The following DLG2 variants were observed in gnomAD, a reference collection of about 807,000 sequenced individuals.
The protein encoded by DLG2 is disks large homolog 2.
DLG2 carries 45 observed loss-of-function variants against 132.5 expected under a neutral mutation model. The observed-to-expected ratio is 0.34, with a 90% CI of 0.27 to 0.44. The LOEUF (loss-of-function observed/expected upper bound fraction) is 0.44, where lower values mean the gene tolerates loss of function less well. Among genes scored for constraint, DLG2 ranks in the 20% least tolerant of loss-of-function variants. The pLI is 1.00. For synonymous variants in DLG2, 424 were observed against 419.6 expected, an observed-to-expected ratio of 1.01 and a Z score of -0.13; for missense variants, 1,045 against 1,196.9, an observed-to-expected ratio of 0.87 and a Z score of 1.87.
At position 83,604,905 on chromosome 11, in the gene DLG2, T is replaced by C. The variant is rs534866288; in HGVS notation, c.1940+28306A>G. Among the ~76,000 whole-genome samples, 323 of 152,274 alleles carry C rather than the reference T, an allele frequency of 2.1e-3. 2 individuals are homozygous for C. Among genetic ancestry groups the C allele is most frequent in the Middle Eastern group, 6.8e-3 (2 of 294 alleles). On this transcript the variant is annotated intron_variant, in intron 19 of 27. Coordinates refer to ENST00000376104, the MANE Select transcript of DLG2 (RefSeq NM_001142699.3). Reference sequence around the variant, plus strand: ...ATTTATGGGAGGCTATTGTTTGGACTAAGCTCCTGCACTAGGCCCAACAGG... The same window carrying C: ...ATTTATGGGAGGCTATTGTTTGGACCAAGCTCCTGCACTAGGCCCAACAGG...
chr11:85,241,414 T>A (rs959602569), intron 4 of DLG2, among the ~76,000 whole-genome samples: 1 of 151,930 alleles, frequency 6.6e-6, no homozygotes, highest in African/African-American at 2.4e-5. Context: ...GGCTAGGGCT[T>A]CCCATATATT....
At chr11:83,593,867 C>T (rs913264481) in intron 19 of DLG2, among the ~76,000 whole-genome samples, 1 of 151,292 alleles carries the variant, frequency 6.6e-6, no homozygotes, top group African/African-American at 2.4e-5. Flanking sequence ...ATAGTGCTGT[C>T]ATTTGACAGA....
intron 6 of DLG2, among the ~76,000 whole-genome samples, chr11:84,660,680 C>G (rs1306328548): frequency 6.6e-6 from 1 of 152,128 alleles, no homozygotes; most frequent in Admixed American, 6.6e-5. Context: ...CCCACACCAG[C>G]CTTTGATTTA....
At chr11:84,646,403 G>A (rs1326548871) in intron 6 of DLG2, among the ~76,000 whole-genome samples, 4 of 152,180 alleles carry the variant, frequency 2.6e-5, no homozygotes, top group African/African-American at 9.7e-5. Context: ...TTAAGAAAAT[G>A]TATGAGGGTA....
chr11:83,976,341 A>G (rs563897865), intron 12 of DLG2, among the ~76,000 whole-genome samples: 1 of 152,044 alleles, frequency 6.6e-6, no homozygotes, highest in South Asian at 2.1e-4. Flanking sequence ...TGTCAGAAGG[A>G]AGTGGTGCAA....
At chr11:84,506,466 A>G (rs1352440612) in intron 7 of DLG2, among the ~76,000 whole-genome samples, 3 of 152,082 alleles carry the variant, frequency 2.0e-5, no homozygotes, top group Non-Finnish European at 4.4e-5. Context: ...AGAGAAATTT[A>G]AAGATGCTAT....
chr11:85,215,247 C>T (rs1398226356), intron 4 of DLG2, among the ~76,000 whole-genome samples: 1 of 151,976 alleles, frequency 6.6e-6, no homozygotes, highest in Non-Finnish European at 1.5e-5. Flanking sequence ...AATTACAGAC[C>T]AGTTCAGTTT....
intron 3 of DLG2, among the ~76,000 whole-genome samples, chr11:85,477,677 C>T (rs1436662893): frequency 6.6e-6 from 1 of 152,120 alleles, no homozygotes; most frequent in East Asian, 1.9e-4. Flanking sequence ...CACAAATAAC[C>T]TCTATGCTAT....
intron 10 of DLG2, among the ~76,000 whole-genome samples, chr11:84,065,087 TA>T (rs1295884040): frequency 1.1e-4 from 16 of 152,156 alleles, no homozygotes; most frequent in Admixed American, 3.3e-4. Context: ...ATTAAAGACT[TA>T]AATATAAAAC....
chr11:85,463,118 G>T (rs923806880), intron 3 of DLG2, among the ~76,000 whole-genome samples: 4 of 152,220 alleles, frequency 2.6e-5, no homozygotes, highest in Admixed American at 1.3e-4. Context: ...AAACTACCCA[G>T]TGTATAGTAT....
intron 15 of DLG2, among the ~76,000 whole-genome samples, chr11:83,890,376 T>C (rs1018687206): frequency 9.2e-5 from 14 of 152,188 alleles, no homozygotes; most frequent in African/African-American, 2.7e-4. Flanking sequence ...AAATGTGGTC[T>C]TTCCCCCATG....
intron 19 of DLG2, among the ~76,000 whole-genome samples, chr11:83,610,403 G>C: frequency 6.6e-6 from 1 of 152,210 alleles, no homozygotes; most frequent in East Asian, 1.9e-4. Context: ...CGACTTGTGA[G>C]ACATGATTGA....
At chr11:85,571,263 G>A (rs2077828013) in intron 3 of DLG2, among the ~76,000 whole-genome samples, 1 of 152,122 alleles carries the variant, frequency 6.6e-6, no homozygotes, top group Non-Finnish European at 1.5e-5. Context: ...CCTAGGATTT[G>A]TTGTTTCAGG....
chr11:85,447,689 T>C (rs1389104611), intron 3 of DLG2, among the ~76,000 whole-genome samples: 2 of 152,172 alleles, frequency 1.3e-5, no homozygotes, highest in Non-Finnish European at 2.9e-5. Flanking sequence ...TCATGATTTA[T>C]TTGTGTTCCC....
chr11:84,224,404 T>A (rs1226502744), intron 8 of DLG2, among the ~76,000 whole-genome samples: 1 of 152,172 alleles, frequency 6.6e-6, no homozygotes, highest in African/African-American at 2.4e-5. Context: ...ACATTTTTCT[T>A]AGGAATTATT....
intron 6 of DLG2, among the ~76,000 whole-genome samples, chr11:85,009,777 G>A (rs1386493394): frequency 3.9e-5 from 6 of 151,972 alleles, no homozygotes; most frequent in Non-Finnish European, 7.4e-5. Context: ...TATTGCTATC[G>A]ATTTCTATAA....
At chr11:85,251,066 G>A (rs1285876105) in intron 4 of DLG2, among the ~76,000 whole-genome samples, 1 of 152,114 alleles carries the variant, frequency 6.6e-6, no homozygotes, top group Non-Finnish European at 1.5e-5. Context: ...CAACAGTAAG[G>A]TTGTTAGCAT....
At chr11:84,090,287 G>A (rs1211783644) in intron 10 of DLG2, among the ~76,000 whole-genome samples, 3 of 151,734 alleles carry the variant, frequency 2.0e-5, no homozygotes, top group South Asian at 4.2e-4. Flanking sequence ...GGTAGCAGGC[G>A]CCTGTAATCC....
intron 11 of DLG2, among the ~76,000 whole-genome samples, chr11:84,036,236 T>C (rs2095859644): frequency 6.6e-6 from 1 of 152,152 alleles, no homozygotes; most frequent in Non-Finnish European, 1.5e-5. Flanking sequence ...TGAGAACCTC[T>C]GTAATTTCCT....
Sources: allele counts gnomAD v4.1 joint callset (sites outside exome capture counted in the v4.1 genomes callset), GRCh38; gene constraint gnomAD v4.1.1; transcripts MANE v1.5; gene names NCBI Gene and HGNC (gene_info 2026-07-23, HGNC 2026-07-21).